TYR: variants seen among roughly 807,000 people sequenced by gnomAD.
TYR encodes LB24-AB.
TYR carries 58 observed loss-of-function variants against 51.5 expected under a neutral mutation model. That is an observed-to-expected ratio of 1.13 (90% CI 0.91 to 1.40). TYR has a LOEUF of 1.40. Among genes scored for constraint, TYR ranks in the 40% most tolerant of loss-of-function variants. TYR has a pLI of 0.00. For missense variants in TYR, 732 were observed against 647.4 expected (o/e 1.13, Z -1.42); for synonymous variants, 263 against 235.2 (o/e 1.12, Z -1.08).
At chr11:89,258,005 A>G (rs1295553423) in intron 3 of TYR, among the ~76,000 whole-genome samples, 3 of 152,062 alleles carry the variant, frequency 2.0e-5, no homozygotes, top group Non-Finnish European at 4.4e-5. Flanking sequence ...CATGTTCTTC[A>G]TAAAACTTAA....
At position 89,263,396 on chromosome 11, in the gene TYR, A is replaced by T. The variant is rs1316995920; in HGVS notation, c.1185-21377A>T. On this transcript the variant is annotated intron_variant, in intron 3 of 4. Coordinates refer to ENST00000263321, the MANE Select transcript of TYR (RefSeq NM_000372.5). ...ATGAAAAAGCCACAGCTAACACATC[A>T]TACTCACTTATTAAAAACTGAAAAA... Among the ~76,000 whole-genome samples the T allele has an allele frequency of 2.0e-5, 3 of 151,888 alleles. No individual in the cohort carries two copies. The East Asian group carries it at 5.8e-4, about 29-fold the overall frequency.
In TYR at chr11:89,187,644, C is replaced by T. The variant is rs189019109; in HGVS notation, c.820-3558C>T. ...TCTATATTCAAATATTAACTCCCCC[C>T]GTTTTATAAACTATAAATGTTTGAT... On this transcript the variant is annotated intron_variant, in intron 1 of 4. Coordinates refer to ENST00000263321, the MANE Select transcript of TYR (RefSeq NM_000372.5). Among the ~76,000 whole-genome samples, 497 of 152,132 alleles carry T rather than the reference C, an allele frequency of 3.3e-3. 1 individual carries two copies. The highest frequency in any genetic ancestry group is 6.5e-3 in the African/African-American group (272 of 41,550).
At chr11:89,265,073 G>A (rs546382701) in intron 3 of TYR, among the ~76,000 whole-genome samples, 24 of 152,094 alleles carry the variant, frequency 1.6e-4, no homozygotes, top group African/African-American at 5.1e-4. Flanking sequence ...TTTTTTCAAT[G>A]AGTATACCTA....
intron 2 of TYR, chr11:89,192,018 G>T (rs1226957763): frequency 4.4e-6 from 2 of 454,140 alleles, no homozygotes; most frequent in Non-Finnish European, 8.9e-6. Flanking sequence ...ATTCTAGGCA[G>T]TGGGTTCTTT....
At chr11:89,287,097 AC>A (rs1944797963) in intron 4 of TYR, among the ~76,000 whole-genome samples, 2 of 151,998 alleles carry the variant, frequency 1.3e-5, no homozygotes, top group South Asian at 4.1e-4. Context: ...TCTCATAGTT[AC>A]ATAGCATTTC....
At chr11:89,281,512 A>G (rs1944721958) in intron 3 of TYR, among the ~76,000 whole-genome samples, 1 of 151,716 alleles carries the variant, frequency 6.6e-6, no homozygotes, top group African/African-American at 2.4e-5. Flanking sequence ...GTCTAGACTC[A>G]GTCTCCAGCC....
chr11:89,273,941 G>T lies in TYR; in HGVS notation c.1185-10832G>T, dbSNP rs549094162. 2.0e-5 allele frequency among the ~76,000 whole-genome samples: 3 copies of T among 151,796 alleles called. No individual in the cohort carries two copies. The East Asian group carries it at 5.9e-4, about 30-fold the overall frequency. On this transcript the variant is annotated intron_variant, in intron 3 of 4. Transcript: ENST00000263321. Reference sequence around the variant, plus strand: ...AAGGACTTCCTTCATATTGGATTCTGGCCTACTAATGTCTTCATTTCAACT... The same window carrying T: ...AAGGACTTCCTTCATATTGGATTCTTGCCTACTAATGTCTTCATTTCAACT...
intron 1 of TYR, among the ~76,000 whole-genome samples, chr11:89,183,104 A>T (rs2135246093): frequency 6.6e-6 from 1 of 152,210 alleles, no homozygotes; most frequent in Non-Finnish European, 1.5e-5. Context: ...TCCCCCAGAT[A>T]AACCTCTAAT....
At chr11:89,212,245 TAA>T (rs1038737442) in intron 2 of TYR, among the ~76,000 whole-genome samples, 1 of 152,050 alleles carries the variant, frequency 6.6e-6, no homozygotes, top group African/African-American at 2.4e-5. Flanking sequence ...TAAGAAATGA[TAA>T]AGAGGATATT....
intron 3 of TYR, among the ~76,000 whole-genome samples, chr11:89,260,724 G>C (rs1183295352): frequency 6.6e-6 from 1 of 152,080 alleles, no homozygotes; most frequent in African/African-American, 2.4e-5. Flanking sequence ...AAATATATAA[G>C]GCTATAAATC....
chr11:89,268,113 C>G (rs71469245), intron 3 of TYR, among the ~76,000 whole-genome samples: 1 of 151,814 alleles, frequency 6.6e-6, no homozygotes, highest in Non-Finnish European at 1.5e-5. Context: ...GTTTTATATC[C>G]CTTTTGTCCT....
At chr11:89,241,972 C>G (rs1451852288) in intron 3 of TYR, among the ~76,000 whole-genome samples, 1 of 151,610 alleles carries the variant, frequency 6.6e-6, no homozygotes, top group African/African-American at 2.4e-5. Context: ...AAAGATGATA[C>G]CACGTTTTGA....
At chr11:89,267,353 G>A (rs1286954672) in intron 3 of TYR, among the ~76,000 whole-genome samples, 1 of 152,034 alleles carries the variant, frequency 6.6e-6, no homozygotes, top group East Asian at 1.9e-4. Flanking sequence ...GTCTTTGACT[G>A]AAGATATAAA....
intron 2 of TYR, among the ~76,000 whole-genome samples, chr11:89,192,778 T>A (rs1309453008): frequency 6.6e-6 from 1 of 152,194 alleles, no homozygotes; most frequent in African/African-American, 2.4e-5. Flanking sequence ...ACACTTTGTA[T>A]GGCATTAATT....
intron 2 of TYR, among the ~76,000 whole-genome samples, chr11:89,209,507 T>C (rs540844270): frequency 2.0e-5 from 3 of 152,280 alleles, no homozygotes; most frequent in South Asian, 4.1e-4. Flanking sequence ...TACTGCCTCT[T>C]TAGATTCCAC....
At chr11:89,186,688 A>G (rs543504531) in intron 1 of TYR, among the ~76,000 whole-genome samples, 3 of 152,172 alleles carry the variant, frequency 2.0e-5, no homozygotes, top group Non-Finnish European at 1.5e-5. Context: ...AGGTGATTAC[A>G]TATAGACCTC....
Position 89,178,188 on chromosome 11 carries a change from T to TCGTG in TYR, c.236_239dup (p.Trp80CysfsTer8). ...CTTCACAGGGGTGGATGACCGGGAG[T>TCGTG]CGTGGCCTTCCGTCTTTTATAATAG... is the stretch of plus-strand genomic sequence containing the variant. On this transcript the variant is annotated frameshift_variant, in exon 1 of 5. Transcript: ENST00000263321. LOFTEE classifies it high-confidence loss of function. 1 of 1,613,902 alleles carries TCGTG rather than the reference T, an allele frequency of 6.2e-7. No homozygotes were observed. The highest frequency in any genetic ancestry group is 8.5e-7 in the Non-Finnish European group (1 of 1,180,000).
intron 2 of TYR, among the ~76,000 whole-genome samples, chr11:89,195,420 T>G (rs766817828): frequency 6.6e-6 from 1 of 152,174 alleles, no homozygotes; most frequent in Non-Finnish European, 1.5e-5. Flanking sequence ...GGCTCACGCC[T>G]GTAAACCCAG....
chr11:89,194,869 G>A (rs549295471), intron 2 of TYR, among the ~76,000 whole-genome samples: 11 of 152,246 alleles, frequency 7.2e-5, no homozygotes, highest in Non-Finnish European at 1.3e-4. Context: ...TCTCTGGTAA[G>A]CAAATTATTC....
Sources: gnomAD v4.1 joint callset for allele counts (sites outside exome capture counted in the v4.1 genomes callset) on GRCh38, gnomAD v4.1.1 for gene constraint, MANE v1.5 for transcripts, NCBI Gene and HGNC (gene_info 2026-07-23, HGNC 2026-07-21) for gene names.